Variants in ZC3H14 observed in about 807,000 individuals in gnomAD.
The protein encoded by ZC3H14 is zinc finger CCCH domain-containing protein 14.
ZC3H14 carries 31 observed loss-of-function variants against 92.4 expected under a neutral mutation model. That is an observed-to-expected ratio of 0.34 (90% CI 0.25 to 0.45). The LOEUF is 0.45. Ranked by LOEUF, ZC3H14 falls within the 20% of genes least tolerant of loss-of-function variation. ZC3H14 has a pLI of 1.00. For synonymous variants in ZC3H14, 321 were observed against 300.9 expected, an observed-to-expected ratio of 1.07 and a Z score of -0.69; for missense variants, 781 against 897.3, an observed-to-expected ratio of 0.87 and a Z score of 1.66.
At chr14:88,594,935 T>A (rs1240106867) in intron 9 of ZC3H14, 5 of 1,613,862 alleles carry the variant, frequency 3.1e-6, no homozygotes, top group Non-Finnish European at 2.5e-6. Context: ...CTTTTTGATC[T>A]AAATGTTAGA....
At chr14:88,571,954 C>T in intron 4 of ZC3H14, 76 bp from the exon 5 acceptor site, 1 of 1,219,500 alleles carries the variant, frequency 8.2e-7, no homozygotes, top group Non-Finnish European at 1.1e-6. Context: ...CAGAGCGAGA[C>T]TCCATCTCAA....
At chr14:88,581,697 T>C (rs998398924) in intron 9 of ZC3H14, among the ~76,000 whole-genome samples, 1 of 152,186 alleles carries the variant, frequency 6.6e-6, no homozygotes, top group African/African-American at 2.4e-5. Context: ...CAATGAATGG[T>C]AGACCACGTC....
chr14:88,572,455 T>C, intron 5 of ZC3H14, 123 bp from the exon 6 acceptor site: 1 of 1,283,168 alleles, frequency 7.8e-7, no homozygotes, highest in Non-Finnish European at 1.1e-6. Flanking sequence ...CAGTTTTGAA[T>C]GGAATATGTA....
Position 88,574,830 on chromosome 14 carries a change from T to G in ZC3H14, c.999T>G (p.Ser333=). The G allele has an allele frequency of 6.2e-7, 1 of 1,614,222 alleles. No homozygotes were observed. Among genetic ancestry groups the G allele is most frequent in the Non-Finnish European group, 8.5e-7 (1 of 1,180,032 alleles). ...SRTGSISSSV[S]VPAKPERRPS... is the part of the protein sequence containing the mutation. The stretch of plus-strand genomic sequence containing the variant: ...CAGGAAGCATCTCCAGCAGTGTGTC[T>G]GTGCCTGCAAAGCCTGAAAGGAGGT... Residue 333 remains serine, a synonymous_variant, in exon 7 of 17, where the codon TCT becomes TCG. Coordinates refer to ENST00000251038, the MANE Select transcript of ZC3H14 (RefSeq NM_024824.5).
chr14:88,567,999 T>C (rs781603131), intron 2 of ZC3H14, 40 bp from the exon 3 acceptor site: 9 of 1,555,008 alleles, frequency 5.8e-6, no homozygotes, highest in Non-Finnish European at 8.0e-6. Context: ...AAGAAAGTTT[T>C]GAGGAAACAA....
rs2089937311 is a variant in ZC3H14, at chr14:88,626,317, A to C, written c.*14566A>C. 1 of 153,686 alleles carries C rather than the reference A, an allele frequency of 6.5e-6. No individual in the cohort carries two copies. The highest frequency in any genetic ancestry group is 6.4e-5 in the Admixed American group (1 of 15,606). The allele number at this position is 153,686 out of a possible 1,614,324, so 9.5% of individuals were successfully genotyped here. A position where few individuals can be genotyped will look rare whatever the true frequency, so the allele number is the denominator to read the frequency against. On this transcript the variant is annotated 3_prime_UTR_variant, in exon 17 of 17. Coordinates refer to ENST00000251038, the MANE Select transcript of ZC3H14 (RefSeq NM_024824.5). ...AGGCTTTTGAGTATAACAGTAGTCC[A>C]AGGAATCAAATGTTCATCAGAATCC... is the stretch of plus-strand genomic sequence containing the variant.
rs951854803 is a variant in ZC3H14 at position 88,617,999 on chromosome 14, C to T, written c.*6248C>T. On this transcript the variant is annotated 3_prime_UTR_variant, in exon 17 of 17. Transcript: ENST00000251038. ...TATCAGGGTATCTTTAAAGTTAAAACTTTGATTTCCTTAAAAAAAAAACTT... is the reference window on the plus strand; with the variant it reads ...TATCAGGGTATCTTTAAAGTTAAAATTTTGATTTCCTTAAAAAAAAAACTT... 4.3e-6 allele frequency: 1 copy of T among 231,832 alleles called. No individual in the cohort carries two copies. Among genetic ancestry groups the T allele is most frequent in the African/African-American group, 6.6e-5 (1 of 15,206 alleles). 14.4% of individuals were successfully genotyped at this position (231,832 alleles called of 1,614,324 possible). A position where few individuals can be genotyped will look rare whatever the true frequency, so the allele number is the denominator to read the frequency against.
intron 9 of ZC3H14, among the ~76,000 whole-genome samples, chr14:88,584,298 G>A (rs1319463087): frequency 6.6e-6 from 1 of 151,960 alleles, no homozygotes; most frequent in Non-Finnish European, 1.5e-5. Flanking sequence ...TTGAGATGTG[G>A]CAATTTGAAA....
chr14:88,577,044 C>T (rs762475110), intron 8 of ZC3H14, among the ~76,000 whole-genome samples: 2 of 152,104 alleles, frequency 1.3e-5, no homozygotes, highest in Admixed American at 1.3e-4. Context: ...CACCTGCCTC[C>T]TCGGCCTCCC....
At position 88,626,220 on chromosome 14, in the gene ZC3H14, T is replaced by G. The variant is rs1239242391; in HGVS notation, c.*14469T>G. On this transcript the variant is annotated 3_prime_UTR_variant, in exon 17 of 17. Transcript: ENST00000251038. Reference sequence around the variant, plus strand: ...ATTTACCTTTCTCTCTGACAAATTTTTAGGACTATGAAGAACTACTAGGAA... The same window carrying G: ...ATTTACCTTTCTCTCTGACAAATTTGTAGGACTATGAAGAACTACTAGGAA... 1 of 152,296 alleles carries G rather than the reference T, an allele frequency of 6.6e-6. No homozygotes were observed. Among genetic ancestry groups the G allele is most frequent in the African/African-American group, 2.4e-5 (1 of 41,470 alleles). 9.4% of individuals were successfully genotyped at this position (152,296 alleles called of 1,614,324 possible). A position where few individuals can be genotyped will look rare whatever the true frequency, so the allele number is the denominator to read the frequency against.
chr14:88,616,904 C>A lies in ZC3H14; in HGVS notation c.*5153C>A, dbSNP rs773975809. 2 of 1,609,494 alleles carry A rather than the reference C, an allele frequency of 1.2e-6. No individual in the cohort carries two copies. The highest frequency in any genetic ancestry group is 1.7e-6 in the Non-Finnish European group (2 of 1,177,536). ...ACTAGAGGGAAGGAACAAAAGAAAA[C>A]TCATCATGGCAAGTGCGGGCAGGTT... On this transcript the variant is annotated 3_prime_UTR_variant, in exon 17 of 17. Transcript: ENST00000251038.
At position 88,615,695 on chromosome 14, in the gene ZC3H14, C is replaced by G; in HGVS notation, c.*3944C>G. 1.2e-6 allele frequency: 1 copy of G among 831,476 alleles called. No homozygotes were observed. 51.5% of individuals were successfully genotyped at this position (831,476 alleles called of 1,614,324 possible). The stretch of plus-strand genomic sequence containing the variant: ...TCAGTCTTTCACTATTTTGATGATT[C>G]TGGGCATTTCTCCCTGTTACAGTCT... On this transcript the variant is annotated 3_prime_UTR_variant, in exon 17 of 17. Coordinates refer to ENST00000251038, the MANE Select transcript of ZC3H14 (RefSeq NM_024824.5).
chr14:88,594,224 A>G (rs2083507636), intron 9 of ZC3H14, among the ~76,000 whole-genome samples: 1 of 152,264 alleles, frequency 6.6e-6, no homozygotes, highest in South Asian at 2.1e-4. Context: ...AAAAGGGAAA[A>G]GTACATTTAA....
rs1294253867 is a variant in ZC3H14, at chr14:88,617,070, T to C, written c.*5319T>C. ...CAACTCCTGCCTTTTAAAAATGACATTTTATAATTTGAAGGGTTTCTAGAT... is the reference window on the plus strand; with the variant it reads ...CAACTCCTGCCTTTTAAAAATGACACTTTATAATTTGAAGGGTTTCTAGAT... On this transcript the variant is annotated 3_prime_UTR_variant, in exon 17 of 17. Coordinates refer to ENST00000251038, the MANE Select transcript of ZC3H14 (RefSeq NM_024824.5). 2.1e-5 allele frequency: 10 copies of C among 468,584 alleles called. No individual in the cohort carries two copies. The highest frequency in any genetic ancestry group is 3.1e-5 in the East Asian group (1 of 32,648). 29.0% of individuals were successfully genotyped at this position (468,584 alleles called of 1,614,324 possible). A position where few individuals can be genotyped will look rare whatever the true frequency, so the allele number is the denominator to read the frequency against.
At position 88,618,789 on chromosome 14, in the gene ZC3H14, A is replaced by C. The variant is rs774342834; in HGVS notation, c.*7038A>C. The C allele has an allele frequency of 6.3e-7, 1 of 1,593,856 alleles. No individual in the cohort carries two copies. The highest frequency in any genetic ancestry group is 1.1e-5 in the South Asian group (1 of 88,010). On this transcript the variant is annotated 3_prime_UTR_variant, in exon 17 of 17. Transcript: ENST00000251038. Reference sequence around the variant, plus strand: ...TGAGTTCTCACTAGAACCTACTGCCAGATACCGGGAATCCGGACTAAATCT... The same window carrying C: ...TGAGTTCTCACTAGAACCTACTGCCCGATACCGGGAATCCGGACTAAATCT...
chr14:88,621,036 A>C lies in ZC3H14; in HGVS notation c.*9285A>C, dbSNP rs2088821289. On this transcript the variant is annotated 3_prime_UTR_variant, in exon 17 of 17. Transcript: ENST00000251038. ...CTCAACAGAATTCTGGCAGTTCTTT[A>C]AGTACTAGCAATTTAGAACTTCCAA... 3 of 1,494,222 alleles carry C rather than the reference A, an allele frequency of 2.0e-6. No individual in the cohort carries two copies. The highest frequency in any genetic ancestry group is 8.9e-7 in the Non-Finnish European group (1 of 1,122,584). 92.6% of individuals were successfully genotyped at this position (1,494,222 alleles called of 1,614,324 possible). A position where few individuals can be genotyped will look rare whatever the true frequency, so the allele number is the denominator to read the frequency against.
chr14:88,594,107 C>T, intron 9 of ZC3H14, among the ~76,000 whole-genome samples: 1 of 152,030 alleles, frequency 6.6e-6, no homozygotes, highest in Non-Finnish European at 1.5e-5. Context: ...CCTTTCCCTC[C>T]AGAGGATTTG....
At chr14:88,566,899 G>A (rs2079713147) in intron 2 of ZC3H14, among the ~76,000 whole-genome samples, 1 of 150,056 alleles carries the variant, frequency 6.7e-6, no homozygotes, top group Non-Finnish European at 1.5e-5. Context: ...CAACCTGGGA[G>A]ACAGAGCAAG....
chr14:88,609,862 ACTT>A lies in ZC3H14; in HGVS notation c.2097+63_2097+65del, dbSNP rs555624828. 66 of 1,564,366 alleles carry A rather than the reference ACTT, an allele frequency of 4.2e-5. No individual in the cohort carries two copies. In the African/African-American group the frequency reaches 6.9e-4, roughly 16 times the overall value. On this transcript the variant is annotated intron_variant, in intron 15 of 16. Coordinates refer to ENST00000251038, the MANE Select transcript of ZC3H14 (RefSeq NM_024824.5). The stretch of plus-strand genomic sequence containing the variant: ...GACAACATCTCAATTTCCTCATTTA[ACTT>A]CTTTTTTGTCAGAGTTACTACATTG...
Sources: gnomAD v4.1 joint callset for allele counts (sites outside exome capture counted in the v4.1 genomes callset) on GRCh38, gnomAD v4.1.1 for gene constraint, MANE v1.5 for transcripts, NCBI Gene and HGNC (gene_info 2026-07-23, HGNC 2026-07-21) for gene names.